COX7B2: variants seen among roughly 807,000 people sequenced by gnomAD.
The protein encoded by COX7B2 is cytochrome c oxidase subunit 7B2.
For synonymous variants in COX7B2, 37 were observed against 32.1 expected, an observed-to-expected ratio of 1.15 and a Z score of -0.51; for missense variants, 109 against 95.9, an observed-to-expected ratio of 1.14 and a Z score of -0.57.
intron 2 of COX7B2, among the ~76,000 whole-genome samples, chr4:46,761,372 C>T (rs2109473559): frequency 6.6e-6 from 1 of 152,242 alleles, no homozygotes; most frequent in East Asian, 1.9e-4. Context: ...GCTGGCACAG[C>T]TTAGAGAGGC....
intron 2 of COX7B2, among the ~76,000 whole-genome samples, chr4:46,758,512 G>A (rs1407329422): frequency 6.6e-6 from 1 of 152,056 alleles, no homozygotes; most frequent in African/African-American, 2.4e-5. Flanking sequence ...TTCAGGTGAC[G>A]AAGCTGATAT....
At chr4:46,852,866 T>C (rs1716775922) in intron 1 of COX7B2, among the ~76,000 whole-genome samples, 1 of 152,134 alleles carries the variant, frequency 6.6e-6, no homozygotes. Flanking sequence ...GTGCTTTGTG[T>C]TGCTGACTTT....
intron 2 of COX7B2, among the ~76,000 whole-genome samples, chr4:46,838,258 T>C (rs1368490686): frequency 6.6e-6 from 1 of 151,822 alleles, no homozygotes; most frequent in African/African-American, 2.4e-5. Context: ...GAAAAAAAAA[T>C]CATGCATGTA....
At chr4:46,896,449 T>A (rs549762224) in intron 1 of COX7B2, among the ~76,000 whole-genome samples, 4 of 152,256 alleles carry the variant, frequency 2.6e-5, no homozygotes, top group African/African-American at 9.6e-5. Context: ...TGCTAATAAG[T>A]CTACATGTTT....
At chr4:46,848,096 C>T (rs558408442) in intron 1 of COX7B2, among the ~76,000 whole-genome samples, 14 of 152,024 alleles carry the variant, frequency 9.2e-5, no homozygotes, top group African/African-American at 3.4e-4. Context: ...GTCCTTGTAA[C>T]CTAGCCAAGC....
intron 1 of COX7B2, among the ~76,000 whole-genome samples, chr4:46,846,325 A>G (rs1394709121): frequency 6.6e-6 from 1 of 152,170 alleles, no homozygotes; most frequent in African/African-American, 2.4e-5. Context: ...GGAAACAGGG[A>G]CCATAAACAA....
chr4:46,906,256 T>A lies in COX7B2; in HGVS notation c.-105+2904A>T, dbSNP rs558007074. On this transcript the variant is annotated intron_variant, in intron 1 of 2. Transcript: ENST00000355591. ...CTATTTATTTCAGCTGGAAAATCAC[T>A]CTCAGCAGATTCCTGAATTGAAGCT... 3.3e-5 allele frequency among the ~76,000 whole-genome samples: 5 copies of A among 152,304 alleles called. No individual in the cohort carries two copies. The South Asian group carries it at 1.0e-3, about 32-fold the overall frequency.
At chr4:46,859,319 A>G (rs916362086) in intron 1 of COX7B2, among the ~76,000 whole-genome samples, 1 of 151,654 alleles carries the variant, frequency 6.6e-6, no homozygotes, top group Admixed American at 6.6e-5. Flanking sequence ...TGCTCTCTAC[A>G]CTCCCTCTTT....
At chr4:46,830,340 A>G (rs1042491713) in intron 2 of COX7B2, among the ~76,000 whole-genome samples, 76 of 151,692 alleles carry the variant, frequency 5.0e-4, no homozygotes, top group East Asian at 1.4e-3. Context: ...AAAAAAAAAA[A>G]AAAGAAAAAG....
At chr4:46,778,300 C>T (rs1717265440) in intron 2 of COX7B2, among the ~76,000 whole-genome samples, 1 of 152,118 alleles carries the variant, frequency 6.6e-6, no homozygotes, top group African/African-American at 2.4e-5. Context: ...TAACCTAGTT[C>T]ATATTACACA....
intron 1 of COX7B2, among the ~76,000 whole-genome samples, chr4:46,908,911 G>T (rs1397248457): frequency 6.6e-6 from 1 of 152,016 alleles, no homozygotes; most frequent in Non-Finnish European, 1.5e-5. Flanking sequence ...AGGCGTGGTG[G>T]CGGGCCCCTG....
intron 2 of COX7B2, among the ~76,000 whole-genome samples, chr4:46,753,942 G>A (rs1290863669): frequency 6.6e-6 from 1 of 152,156 alleles, no homozygotes; most frequent in Admixed American, 6.5e-5. Context: ...CATTTATGCA[G>A]CCAACAGACA....
chr4:46,820,441 C>G (rs1560401672), intron 2 of COX7B2, among the ~76,000 whole-genome samples: 1 of 152,122 alleles, frequency 6.6e-6, no homozygotes, highest in Non-Finnish European at 1.5e-5. Context: ...GCAGTGCAGC[C>G]TAGTTCCTAA....
chr4:46,830,018 G>A (rs918219446), intron 2 of COX7B2, among the ~76,000 whole-genome samples: 1 of 152,072 alleles, frequency 6.6e-6, no homozygotes, highest in Non-Finnish European at 1.5e-5. Context: ...ACCTGAAATA[G>A]AATAGATACT....
At position 46,853,740 on chromosome 4, in the gene COX7B2, A is replaced by T. The variant is rs142124626; in HGVS notation, c.-104-8726T>A. ...TTTGTTTATTAAGTGAATATATAAA[A>T]TAGTACTATAATTATAAAGTTAGTT... On this transcript the variant is annotated intron_variant, in intron 1 of 2. Transcript: ENST00000355591. Among the ~76,000 whole-genome samples, 1,183 of 152,246 alleles carry T rather than the reference A, an allele frequency of 7.8e-3. 18 individuals are homozygous for T. The highest frequency in any genetic ancestry group is 0.027 in the African/African-American group (1,138 of 41,572).
chr4:46,832,757 G>A (rs200188080), intron 2 of COX7B2, among the ~76,000 whole-genome samples: 1 of 151,970 alleles, frequency 6.6e-6, no homozygotes, highest in Non-Finnish European at 1.5e-5. Context: ...AAGAATCTGG[G>A]ACCTCCCCAC....
intron 2 of COX7B2, among the ~76,000 whole-genome samples, chr4:46,827,238 A>G (rs1714759072): frequency 6.6e-6 from 1 of 152,116 alleles, no homozygotes; most frequent in African/African-American, 2.4e-5. Flanking sequence ...GAAAGGAAAA[A>G]GCTATAAATT....
At chr4:46,782,720 G>A (rs1161385726) in intron 2 of COX7B2, among the ~76,000 whole-genome samples, 3 of 152,188 alleles carry the variant, frequency 2.0e-5, no homozygotes, top group Non-Finnish European at 4.4e-5. Context: ...AAGCCAGCAA[G>A]ACCAAGAACC....
rs144427315 is a variant in COX7B2, at chr4:46,870,181, A to G, written c.-104-25167T>C. Among the ~76,000 whole-genome samples, 593 of 152,272 alleles carry G rather than the reference A, an allele frequency of 3.9e-3. 2 individuals are homozygous for G. Among genetic ancestry groups the G allele is most frequent in the Non-Finnish European group, 5.9e-3 (403 of 68,018 alleles). On this transcript the variant is annotated intron_variant, in intron 1 of 2. Transcript: ENST00000355591. ...TTTTACTGTTACTACTCGTAAGTAC[A>G]TTGTAAAATCAATAAATGTGATTAA...
Sources: allele counts gnomAD v4.1 joint callset (sites outside exome capture counted in the v4.1 genomes callset), GRCh38; gene constraint gnomAD v4.1.1; transcripts MANE v1.5; gene names NCBI Gene and HGNC (gene_info 2026-07-23, HGNC 2026-07-21).